ROR1: variants seen among roughly 807,000 people sequenced by gnomAD.
ROR1 encodes ROR family WNT receptor 1, also known as inactive tyrosine-protein kinase transmembrane receptor ROR1.
Under a neutral mutation model 78.8 loss-of-function variants are expected in ROR1, and 19 were observed. That is an observed-to-expected ratio of 0.24 (90% CI 0.17 to 0.35). The LOEUF (loss-of-function observed/expected upper bound fraction) is 0.35, where lower values mean the gene tolerates loss of function less well. Among genes scored for constraint, ROR1 ranks in the 10% least tolerant of loss-of-function variants. The pLI, the probability that ROR1 is intolerant of heterozygous loss-of-function variation, is 1.00. For synonymous variants in ROR1, 386 were observed against 433.6 expected, an observed-to-expected ratio of 0.89 and a Z score of 1.36; for missense variants, 917 against 1,177.8, an observed-to-expected ratio of 0.78 and a Z score of 3.24.
At chr1:64,131,818 C>G (rs1486855078) in intron 4 of ROR1, among the ~76,000 whole-genome samples, 1 of 151,956 alleles carries the variant, frequency 6.6e-6, no homozygotes, top group Non-Finnish European at 1.5e-5. Context: ...CAGAGTCTCA[C>G]TATGTTGTCC....
At chr1:63,977,218 C>T (rs1646168988) in intron 1 of ROR1, among the ~76,000 whole-genome samples, 1 of 152,160 alleles carries the variant, frequency 6.6e-6, no homozygotes, top group Non-Finnish European at 1.5e-5. Flanking sequence ...AACTACAGTT[C>T]AAGATGAGAT....
chr1:63,841,862 C>G (rs1381138625), intron 1 of ROR1, among the ~76,000 whole-genome samples: 1 of 152,072 alleles, frequency 6.6e-6, no homozygotes, highest in Non-Finnish European at 1.5e-5. Flanking sequence ...GCTAATGACC[C>G]CTATATATCT....
At chr1:63,807,597 G>T (rs1644837569) in intron 1 of ROR1, among the ~76,000 whole-genome samples, 1 of 152,134 alleles carries the variant, frequency 6.6e-6, no homozygotes, top group South Asian at 2.1e-4. Context: ...CCCTCACTTG[G>T]CATAGGTCTT....
At chr1:63,789,006 C>T in intron 1 of ROR1, 1 of 635,762 alleles carries the variant, frequency 1.6e-6, no homozygotes, top group East Asian at 3.6e-5. Context: ...GCACAGAATC[C>T]TCATTCTCCT....
intron 2 of ROR1, among the ~76,000 whole-genome samples, chr1:64,043,561 A>G (rs1012281022): frequency 1.3e-5 from 2 of 152,204 alleles, no homozygotes; most frequent in African/African-American, 4.8e-5. Flanking sequence ...ATAAGCAACT[A>G]GTGGTGATTT....
At position 63,828,592 on chromosome 1, in the gene ROR1, G is replaced by A. The variant is rs533777569; in HGVS notation, c.91+54084G>A. On this transcript the variant is annotated intron_variant, in intron 1 of 8. Transcript: ENST00000371079. ...CAGTTGATCAACATCCTCCTGATAG[G>A]CTAAGGAGTGAACTGACCTTTACAT... is the stretch of plus-strand genomic sequence containing the variant. Among the ~76,000 whole-genome samples, 91 of 152,238 alleles carry A rather than the reference G, an allele frequency of 6.0e-4. 1 individual carries two copies. Among genetic ancestry groups the A allele is most frequent in the Non-Finnish European group, 2.6e-4 (18 of 68,000 alleles).
chr1:64,108,813 G>T (rs1445485609), intron 4 of ROR1, among the ~76,000 whole-genome samples: 1 of 152,172 alleles, frequency 6.6e-6, no homozygotes, highest in Non-Finnish European at 1.5e-5. Context: ...AAAGTCATTT[G>T]GCAACAAGTT....
At chr1:63,923,199 C>G (rs541826630) in intron 1 of ROR1, among the ~76,000 whole-genome samples, 2 of 152,168 alleles carry the variant, frequency 1.3e-5, no homozygotes, top group Non-Finnish European at 2.9e-5. Context: ...ATTTAATATA[C>G]CCACAGAGTG....
intron 4 of ROR1, among the ~76,000 whole-genome samples, chr1:64,079,913 G>A (rs369267704): frequency 2.0e-4 from 30 of 151,984 alleles, no homozygotes; most frequent in East Asian, 1.5e-3. Context: ...AAATACACAT[G>A]GTATTATTGA....
intron 2 of ROR1, among the ~76,000 whole-genome samples, chr1:64,043,652 T>C (rs1646761783): frequency 6.6e-6 from 1 of 152,188 alleles, no homozygotes; most frequent in Non-Finnish European, 1.5e-5. Flanking sequence ...GTTCAGGTTA[T>C]GAGTGGTGCA....
intron 1 of ROR1, among the ~76,000 whole-genome samples, chr1:63,912,297 CA>C (rs67307299): frequency 0.66 from 86,587 of 130,736 alleles, 29,020 homozygotes; most frequent in East Asian, 0.89. Flanking sequence ...GACCCTATCT[CA>C]AAAAAAAAAA....
chr1:64,103,496 T>TA (rs1557653219), intron 4 of ROR1, among the ~76,000 whole-genome samples: 1 of 152,132 alleles, frequency 6.6e-6, no homozygotes, highest in Non-Finnish European at 1.5e-5. Flanking sequence ...CTTTGTTTCT[T>TA]AAAAAATATA....
At chr1:64,003,191 T>TTTTTTC (rs1646399987) in intron 1 of ROR1, among the ~76,000 whole-genome samples, 1 of 152,180 alleles carries the variant, frequency 6.6e-6, no homozygotes, top group African/African-American at 2.4e-5. Flanking sequence ...TTCCTTCCTT[T>TTTTTTC]TTTTTCTTTT....
intron 2 of ROR1, among the ~76,000 whole-genome samples, chr1:64,037,552 A>G (rs1646712267): frequency 6.6e-6 from 1 of 152,118 alleles, no homozygotes; most frequent in South Asian, 2.1e-4. Context: ...GCTAGGCTCT[A>G]TGGTTAATAA....
At chr1:63,826,582 G>C (rs1179711192) in intron 1 of ROR1, among the ~76,000 whole-genome samples, 1 of 152,058 alleles carries the variant, frequency 6.6e-6, no homozygotes, top group Non-Finnish European at 1.5e-5. Context: ...ATAATAGAAT[G>C]ATTTCTATTC....
intron 8 of ROR1, among the ~76,000 whole-genome samples, chr1:64,172,941 A>G (rs1557683843): frequency 6.6e-6 from 1 of 152,208 alleles, no homozygotes; most frequent in South Asian, 2.1e-4. Flanking sequence ...TTCCTCAACA[A>G]TACAGCTAAT....
chr1:63,912,819 G>T (rs547209379), intron 1 of ROR1, among the ~76,000 whole-genome samples: 1 of 152,270 alleles, frequency 6.6e-6, no homozygotes, highest in East Asian at 1.9e-4. Flanking sequence ...CCACGGAAGG[G>T]CAGAGGAGGA....
At chr1:63,980,766 G>T (rs1646203688) in intron 1 of ROR1, among the ~76,000 whole-genome samples, 2 of 152,230 alleles carry the variant, frequency 1.3e-5, no homozygotes, top group Admixed American at 1.3e-4. Flanking sequence ...GGCTGTGGAA[G>T]GGAAGGAGGT....
At chr1:63,986,441 G>A (rs1320373130) in intron 1 of ROR1, among the ~76,000 whole-genome samples, 2 of 152,152 alleles carry the variant, frequency 1.3e-5, no homozygotes, top group Admixed American at 6.6e-5. Flanking sequence ...AGAGAATCAC[G>A]GATCGAAAGG....
Sources: allele counts gnomAD v4.1 joint callset (sites outside exome capture counted in the v4.1 genomes callset), GRCh38; gene constraint gnomAD v4.1.1; transcripts MANE v1.5; gene names NCBI Gene and HGNC (gene_info 2026-07-23, HGNC 2026-07-21).